SHANK2: variants seen among roughly 807,000 people sequenced by gnomAD.
SHANK2 encodes the protein SH3 and multiple ankyrin repeat domains 2, also known as SH3 and multiple ankyrin repeat domains protein 2.
In SHANK2, 43 loss-of-function variants were observed where a neutral mutation model predicts 133.7. That is an observed-to-expected ratio of 0.32 (90% CI 0.25 to 0.41). The LOEUF is 0.41. Among genes scored for constraint, SHANK2 ranks in the 10% least tolerant of loss-of-function variants. The pLI is 1.00. For synonymous variants in SHANK2, 1,017 were observed against 952.8 expected, an observed-to-expected ratio of 1.07 and a Z score of -1.24; for missense variants, 1,994 against 2,235.8, an observed-to-expected ratio of 0.89 and a Z score of 2.18.
chr11:70,469,242 G>A lies in SHANK2; in HGVS notation c.*3627C>T, dbSNP rs1349687403. 1.3e-5 allele frequency: 2 copies of A among 152,366 alleles called. No homozygotes were observed. The highest frequency in any genetic ancestry group is 6.5e-5 in the Admixed American group (1 of 15,272). 9.4% of individuals were successfully genotyped at this position (152,366 alleles called of 1,614,324 possible). A position where few individuals can be genotyped will look rare whatever the true frequency, so the allele number is the denominator to read the frequency against. ...TATCCATTGATAAATTGAGAATAAG[G>A]AAATGGAACCAAGGCAGATTAGCTC... is the stretch of plus-strand genomic sequence containing the variant. On this transcript the variant is annotated 3_prime_UTR_variant, in exon 26 of 26. Coordinates refer to ENST00000601538, the MANE Select transcript of SHANK2 (RefSeq NM_012309.5).
At chr11:70,836,247 G>A (rs112496910) in intron 11 of SHANK2, among the ~76,000 whole-genome samples, 53 of 152,330 alleles carry the variant, frequency 3.5e-4, no homozygotes, top group African/African-American at 9.9e-4. Flanking sequence ...CTGATTCTCA[G>A]GCCGGCTCCA....
At chr11:70,791,264 G>A (rs1555047945) in intron 14 of SHANK2, among the ~76,000 whole-genome samples, 1 of 152,160 alleles carries the variant, frequency 6.6e-6, no homozygotes. Context: ...CTCTGTCCTG[G>A]ATAGGCACCA....
rs77009076 is a variant in SHANK2 at position 70,556,153 on chromosome 11, C to T, written c.2062-53222G>A. ...GGTTAGCTTCTTTTGCTTAATGATA[C>T]GGATTTAAGTTTCCTCCATATATTT... On this transcript the variant is annotated intron_variant, in intron 17 of 25. Coordinates refer to ENST00000601538, the MANE Select transcript of SHANK2 (RefSeq NM_012309.5). Among the ~76,000 whole-genome samples the T allele has an allele frequency of 9.6e-3, 1,459 of 152,312 alleles. 32 individuals carry two copies. The highest frequency in any genetic ancestry group is 0.033 in the African/African-American group (1,387 of 41,558).
intron 17 of SHANK2, among the ~76,000 whole-genome samples, chr11:70,621,327 G>C (rs1363623798): frequency 6.6e-6 from 1 of 152,214 alleles, no homozygotes; most frequent in Non-Finnish European, 1.5e-5. Context: ...GAGCGGCCAG[G>C]GTACTCATTT....
rs1954724609 is a variant in SHANK2, at chr11:71,230,474, C to A, written c.-112-5678G>T. On this transcript the variant is annotated intron_variant, in intron 1 of 25. Transcript: ENST00000601538. ...GTACTAGCTACTCGGGAGGCTGAGGCAGGAGAATGGCGTGAACCCGGGAGG... is the reference window on the plus strand; with the variant it reads ...GTACTAGCTACTCGGGAGGCTGAGGAAGGAGAATGGCGTGAACCCGGGAGG... 2.6e-5 allele frequency among the ~76,000 whole-genome samples: 4 copies of A among 151,158 alleles called. No homozygotes were observed. The South Asian group carries it at 8.4e-4, about 32-fold the overall frequency.
At chr11:70,746,931 A>C (rs1481170665) in intron 14 of SHANK2, among the ~76,000 whole-genome samples, 25 of 141,680 alleles carry the variant, frequency 1.8e-4, no homozygotes, top group Admixed American at 3.5e-4. Flanking sequence ...CCACCGCTGT[A>C]CTCCCCTTTA....
chr11:71,238,799 T>C (rs1954854438), intron 1 of SHANK2, among the ~76,000 whole-genome samples: 2 of 152,200 alleles, frequency 1.3e-5, no homozygotes, highest in South Asian at 4.1e-4. Context: ...CTCTGTGTCC[T>C]CTCTGTCCCT....
chr11:71,102,756 C>T (rs949517974), intron 6 of SHANK2, among the ~76,000 whole-genome samples: 1 of 152,240 alleles, frequency 6.6e-6, no homozygotes, highest in African/African-American at 2.4e-5. Context: ...CCTTTTCCCC[C>T]AGGAGTTGAG....
intron 12 of SHANK2, among the ~76,000 whole-genome samples, chr11:70,813,618 T>C (rs1463557960): frequency 4.0e-5 from 6 of 151,866 alleles, no homozygotes; most frequent in African/African-American, 7.3e-5. Context: ...AGTAGGGGAA[T>C]AGAGAAAGCT....
At chr11:70,898,364 G>C (rs557689587) in intron 10 of SHANK2, among the ~76,000 whole-genome samples, 3 of 151,506 alleles carry the variant, frequency 2.0e-5, no homozygotes, top group Admixed American at 6.6e-5. Context: ...TATGGTGTTG[G>C]TGAAAAAAAC....
chr11:71,074,100 G>A (rs1241101659), intron 9 of SHANK2, among the ~76,000 whole-genome samples: 1 of 152,166 alleles, frequency 6.6e-6, no homozygotes, highest in African/African-American at 2.4e-5. Context: ...CTTTCCTGGG[G>A]CTCTGTTTCC....
chr11:70,925,453 G>C (rs2135778889), intron 10 of SHANK2, among the ~76,000 whole-genome samples: 1 of 152,236 alleles, frequency 6.6e-6, no homozygotes, highest in Non-Finnish European at 1.5e-5. Context: ...CCAGTGCCTG[G>C]TGCCCCACCC....
intron 8 of SHANK2, among the ~76,000 whole-genome samples, chr11:71,090,751 T>C (rs1237455173): frequency 1.3e-5 from 2 of 152,010 alleles, no homozygotes; most frequent in African/African-American, 2.4e-5. Context: ...AAATTAAAGA[T>C]AGAAATATTT....
intron 1 of SHANK2, among the ~76,000 whole-genome samples, chr11:71,237,875 G>A (rs1021974769): frequency 3.9e-5 from 6 of 152,196 alleles, no homozygotes; most frequent in Admixed American, 6.5e-5. Flanking sequence ...TGAGGGCCAC[G>A]AAGGCCGAAA....
At chr11:71,073,845 C>T (rs1268027957) in intron 9 of SHANK2, among the ~76,000 whole-genome samples, 3 of 152,186 alleles carry the variant, frequency 2.0e-5, no homozygotes, top group Admixed American at 1.3e-4. Flanking sequence ...TTGTCCGCCA[C>T]GTCCTTCCCC....
Position 70,835,521 on chromosome 11 carries a change from G to A in SHANK2, c.1175-14839C>T, listed in dbSNP as rs184753175. Among the ~76,000 whole-genome samples the A allele has an allele frequency of 7.9e-3, 1,197 of 152,296 alleles. 21 individuals carry two copies. The highest frequency in any genetic ancestry group is 0.027 in the African/African-American group (1,116 of 41,562). The stretch of plus-strand genomic sequence containing the variant: ...AGGAATCACAACCAGGGGCCGAGGT[G>A]CAGGCCAAGTGGGCTGGGGGCTTAT... On this transcript the variant is annotated intron_variant, in intron 11 of 25. Transcript: ENST00000601538.
At position 70,677,025 on chromosome 11, in the gene SHANK2, A is replaced by G. The variant is rs577103629; in HGVS notation, c.1854-15347T>C. On this transcript the variant is annotated intron_variant, in intron 15 of 25. Transcript: ENST00000601538. ...CTGGCTAATCCCACGTATACAGGCA[A>G]TTACTTGTACATCACAGGGCTGGGG... Among the ~76,000 whole-genome samples the G allele has an allele frequency of 7.9e-5, 12 of 152,322 alleles. 1 individual carries two copies. In the South Asian group the frequency reaches 2.5e-3, roughly 32 times the overall value.
At chr11:70,864,592 C>CA (rs1411894393) in intron 11 of SHANK2, 1 of 152,260 alleles carries the variant, frequency 6.6e-6, no homozygotes, top group Non-Finnish European at 1.5e-5. Flanking sequence ...TGTAATGAAC[C>CA]AAACGTTTGT....
intron 17 of SHANK2, chr11:70,647,544 A>C (rs1043559404): frequency 3.3e-5 from 5 of 152,178 alleles, no homozygotes; most frequent in Non-Finnish European, 7.3e-5. Context: ...GAGCTGATAA[A>C]AGTCACCGAG....
Sources: gnomAD v4.1 joint callset for allele counts (sites outside exome capture counted in the v4.1 genomes callset) on GRCh38, gnomAD v4.1.1 for gene constraint, MANE v1.5 for transcripts, NCBI Gene and HGNC (gene_info 2026-07-23, HGNC 2026-07-21) for gene names.